TLE6: variants seen among roughly 807,000 people sequenced by gnomAD.
TLE6 encodes transducin-like enhancer protein 6.
TLE6 carries 72 observed loss-of-function variants against 77.1 expected under a neutral mutation model. That is an observed-to-expected ratio of 0.93 (90% confidence interval 0.77 to 1.14). TLE6 has a LOEUF of 1.14. Ranked by LOEUF, TLE6 falls within the 50% of genes most tolerant of loss-of-function variation. The probability of loss-of-function intolerance (pLI) is 0.00; values close to 1 mark genes in which losing one functional copy is unlikely to be tolerated. For synonymous variants in TLE6, 366 were observed against 287.3 expected (o/e 1.27, Z -2.77); for missense variants, 843 against 747.6 (o/e 1.13, Z -1.49).
At chr19:2,978,855 C>T (rs1032693498) in intron 2 of TLE6, among the ~76,000 whole-genome samples, 3 of 152,144 alleles carry the variant, frequency 2.0e-5, no homozygotes, top group Non-Finnish European at 4.4e-5. Context: ...CTGCACTTTG[C>T]GTCCCAGAGA....
intron 5 of TLE6, among the ~76,000 whole-genome samples, chr19:2,983,600 A>G (rs1396673335): frequency 8.9e-6 from 1 of 111,990 alleles, no homozygotes; most frequent in Non-Finnish European, 1.8e-5. Flanking sequence ...GGAAGCCCGC[A>G]TGGCTGGAGC....
At chr19:2,993,397 A>T (rs757983638) in intron 14 of TLE6, 35 bp from the exon 15 acceptor site, 1 of 1,573,998 alleles carries the variant, frequency 6.4e-7, no homozygotes, top group African/African-American at 1.4e-5. Flanking sequence ...CTGGGACCTA[A>T]CCAGGTTCCT....
In TLE6 at chr19:2,988,082, C is replaced by G; in HGVS notation, c.703-9C>G. 2 of 1,552,770 alleles carry G rather than the reference C, an allele frequency of 1.3e-6. No homozygotes were observed. Among genetic ancestry groups the G allele is most frequent in the Non-Finnish European group, 1.7e-6 (2 of 1,147,560 alleles). Reference sequence around the variant, plus strand: ...GGCTGGGGGCAGCTGTGATCTCCCCCGCCTGCAGGAGCCTCCTGGAAGAGC... The same window carrying G: ...GGCTGGGGGCAGCTGTGATCTCCCCGGCCTGCAGGAGCCTCCTGGAAGAGC... On this transcript the variant is annotated splice_polypyrimidine_tract_variant and intron_variant, in intron 10 of 16. Transcript: ENST00000246112.
chr19:2,987,506 G>C (rs909408422), intron 8 of TLE6, 134 bp downstream of exon 8: 2 of 1,340,214 alleles, frequency 1.5e-6, no homozygotes, highest in Admixed American at 1.8e-5. Flanking sequence ...CCCCGGGGGG[G>C]ACTTGGGTGA....
At chr19:2,980,988 C>T (rs983189093) in intron 3 of TLE6, among the ~76,000 whole-genome samples, 3 of 151,348 alleles carry the variant, frequency 2.0e-5, no homozygotes, top group Non-Finnish European at 2.9e-5. Context: ...GAATTGGAGG[C>T]TGCAGTGAGC....
intron 15 of TLE6, among the ~76,000 whole-genome samples, 170 bp downstream of exon 15, chr19:2,993,752 G>C (rs1230004096): frequency 1.3e-5 from 2 of 151,952 alleles, no homozygotes; most frequent in Non-Finnish European, 2.9e-5. Flanking sequence ...GGAAGGGGGT[G>C]GGTGCCTGGG....
chr19:2,985,932 C>T (rs1331084703), intron 5 of TLE6, among the ~76,000 whole-genome samples: 2 of 149,914 alleles, frequency 1.3e-5, no homozygotes, highest in African/African-American at 2.5e-5. Flanking sequence ...AAAAATCAGT[C>T]TGTGTAGTGG....
chr19:2,982,103 A>C, intron 4 of TLE6, 45 bp from the exon 5 acceptor site: 5 of 1,550,730 alleles, frequency 3.2e-6, no homozygotes, highest in Non-Finnish European at 4.4e-6. Context: ...CACAGCATTC[A>C]CACCCGGACC....
At position 2,991,912 on chromosome 19, in the gene TLE6, T is replaced by TC; in HGVS notation, c.1316dup (p.Asp440GlyfsTer102). ...AGGGCTACAACATCTGGACTGGGGG[T>TC]CCGGATGCCTGTCTGCGGTGCTGGG... On this transcript the variant is annotated frameshift_variant, in exon 14 of 17. Transcript: ENST00000246112. LOFTEE classifies it high-confidence loss of function. 1 of 1,613,522 alleles carries TC rather than the reference T, an allele frequency of 6.2e-7. No homozygotes were observed. The highest frequency in any genetic ancestry group is 8.5e-7 in the Non-Finnish European group (1 of 1,179,932).
intron 13 of TLE6, 128 bp from the exon 14 acceptor site, chr19:2,991,713 ACT>A (rs2089069307): frequency 1.3e-5 from 11 of 821,122 alleles, no homozygotes; most frequent in Non-Finnish European, 1.9e-5. Context: ...CAACTTTGAC[ACT>A]CTGTGCAGGC....
intron 11 of TLE6, 105 bp downstream of exon 11, chr19:2,988,233 A>T: frequency 1.7e-6 from 2 of 1,202,608 alleles, no homozygotes; most frequent in Non-Finnish European, 2.3e-6. Flanking sequence ...GAGGTGTAAG[A>T]CTTTCTTCCC....
At chr19:2,979,045 G>A (rs566053300) in intron 2 of TLE6, among the ~76,000 whole-genome samples, 24 of 151,324 alleles carry the variant, frequency 1.6e-4, no homozygotes, top group Non-Finnish European at 2.5e-4. Flanking sequence ...TCTGCCTCCC[G>A]GGTTCAAGTG....
intron 14 of TLE6, among the ~76,000 whole-genome samples, chr19:2,993,043 A>AC (rs1263918068): frequency 6.7e-6 from 1 of 149,788 alleles, no homozygotes; most frequent in African/African-American, 2.4e-5. Flanking sequence ...AAAAAAAAAA[A>AC]AAAAAAAAAA....
intron 5 of TLE6, chr19:2,984,033 C>T (rs2088853859): frequency 6.6e-6 from 1 of 152,268 alleles, no homozygotes; most frequent in Admixed American, 6.6e-5. Flanking sequence ...GGCCTGTGGT[C>T]CTGGGCAGTC....
intron 14 of TLE6, among the ~76,000 whole-genome samples, chr19:2,992,793 A>ACGGGGGG (rs1487334518): frequency 9.6e-4 from 19 of 19,752 alleles, no homozygotes; most frequent in African/African-American, 4.6e-3. Context: ...AAAAAAAAAA[A>ACGGGGGG]GGGGGGGAGG....
At chr19:2,990,600 T>C (rs10417362) in intron 13 of TLE6, among the ~76,000 whole-genome samples, 49,374 of 147,970 alleles carry the variant, frequency 0.33, 10,353 homozygotes, top group African/African-American at 0.59. Flanking sequence ...AGCAAGACTC[T>C]GTCTCAAAAA....
At chr19:2,982,753 C>T (rs1336665104) in intron 5 of TLE6, among the ~76,000 whole-genome samples, 1 of 152,032 alleles carries the variant, frequency 6.6e-6, no homozygotes, top group Non-Finnish European at 1.5e-5. Context: ...ATCTCCTGTC[C>T]TGTCTCTGAG....
chr19:2,981,529 C>T lies in TLE6; in HGVS notation c.135-9C>T. On this transcript the variant is annotated splice_polypyrimidine_tract_variant and intron_variant, in intron 3 of 16. Coordinates refer to ENST00000246112, the MANE Select transcript of TLE6 (RefSeq NM_001143986.2). ...ACAGGTCTTCCAGCCTGTCCTCCTTCCCCCTCAGGTTTTCTCCTCATTTTG... is the reference window on the plus strand; with the variant it reads ...ACAGGTCTTCCAGCCTGTCCTCCTTTCCCCTCAGGTTTTCTCCTCATTTTG... 1 of 1,551,532 alleles carries T rather than the reference C, an allele frequency of 6.4e-7. No homozygotes were observed. The highest frequency in any genetic ancestry group is 1.2e-5 in the South Asian group (1 of 84,052).
chr19:2,987,681 A>T (rs2088946633), intron 8 of TLE6, 43 bp from the exon 9 acceptor site: 1 of 1,609,090 alleles, frequency 6.2e-7, no homozygotes, highest in Non-Finnish European at 8.5e-7. Context: ...TCTGGTCCTA[A>T]CAGGCAGGTC....
Sources: allele counts gnomAD v4.1 joint callset (sites outside exome capture counted in the v4.1 genomes callset), GRCh38; gene constraint gnomAD v4.1.1; transcripts MANE v1.5; gene names NCBI Gene and HGNC (gene_info 2026-07-23, HGNC 2026-07-21).